The following IRS1 variants were observed in gnomAD, a reference collection of about 807,000 sequenced individuals.
IRS1 encodes insulin receptor substrate 1.
A neutral mutation model predicts 65.6 loss-of-function variants in IRS1; 34 were observed. The ratio of observed to expected loss-of-function variants is 0.52; its 90% CI spans 0.39 to 0.69. The LOEUF is 0.69. IRS1 is among the 30% of genes least tolerant of loss of function. IRS1 has a pLI of 0.00. For synonymous variants in IRS1, 699 were observed against 683.5 expected (o/e 1.02, Z -0.35); for missense variants, 1,641 against 1,720.2 (o/e 0.95, Z 0.81).
At chr2:226,752,375 T>C (rs1938702364) in intron 1 of IRS1, among the ~76,000 whole-genome samples, 1 of 152,286 alleles carries the variant, frequency 6.6e-6, no homozygotes, top group South Asian at 2.1e-4. Flanking sequence ...AGGCCCTGAA[T>C]CAACAGCACA....
chr2:226,742,198 G>C (rs1420515449), intron 1 of IRS1, among the ~76,000 whole-genome samples: 1 of 152,216 alleles, frequency 6.6e-6, no homozygotes. Context: ...ATGGGGGCAA[G>C]CTGAAGCTTG....
chr2:226,791,799 C>T (rs1939612880), intron 1 of IRS1, among the ~76,000 whole-genome samples: 1 of 151,956 alleles, frequency 6.6e-6, no homozygotes, highest in Admixed American at 6.5e-5. Flanking sequence ...GAGGGCGGGG[C>T]CTCGCCCGCC....
intron 1 of IRS1, among the ~76,000 whole-genome samples, chr2:226,746,370 G>C (rs1056006064): frequency 1.3e-5 from 2 of 152,124 alleles, no homozygotes; most frequent in African/African-American, 4.8e-5. Context: ...GAACTGAACA[G>C]GAGTGTGATC....
intron 1 of IRS1, among the ~76,000 whole-genome samples, chr2:226,768,658 T>C (rs1939102235): frequency 6.6e-6 from 1 of 152,104 alleles, no homozygotes; most frequent in African/African-American, 2.4e-5. Flanking sequence ...ACTAAACCAA[T>C]CTAAATGCCA....
intron 1 of IRS1, among the ~76,000 whole-genome samples, chr2:226,779,432 G>GT (rs1939338992): frequency 6.6e-6 from 1 of 152,154 alleles, no homozygotes; most frequent in African/African-American, 2.4e-5. Context: ...CCAAATGCCA[G>GT]ACTCATTCCA....
rs544936782 is a variant in IRS1 at position 226,795,771 on chromosome 2, T to C, written c.2968A>G (p.Met990Val). 1.3e-5 allele frequency: 21 copies of C among 1,613,236 alleles called. No individual in the cohort carries two copies. The highest frequency in any genetic ancestry group is 1.7e-5 in the Non-Finnish European group (20 of 1,180,006). Residue 990 changes from methionine to valine, a missense_variant, in exon 1 of 2, where the codon ATG becomes GTG. Coordinates refer to ENST00000305123, the MANE Select transcript of IRS1 (RefSeq NM_005544.3). ...CGGGGACAACTCATCTGCATGGTCA[T>C]GTAGTCACCCCGGCTGCTGGGCACT... ...RAVPSSRGDY[M>V]TMQMSCPRQS...
Position 226,796,347 on chromosome 2 carries a change from G to A in IRS1, c.2392C>T (p.Leu798Phe), listed in dbSNP as rs1307660367. The change falls in exon 1 of 2, where the codon CTT becomes TTT. Residue 798 changes from leucine (L) to phenylalanine (F), a missense_variant. Physicochemically the swap from Leu to Phe is conservative, Grantham distance 22. Around this residue, in one of 3 missense-constraint regions of IRS1, gnomAD observed 1,324 missense variants for 1,361.0 expected, o/e 0.97. Coordinates refer to ENST00000305123, the MANE Select transcript of IRS1 (RefSeq NM_005544.3). ...TCATCTGCTGTTGCAGCATAGAGAA[G>A]GCGACCAGAGCTAGTGGAAAGGCGG... Reference protein sequence around the residue: ...HLRLSTSSGRLLYAATADDSS... With the variant: ...HLRLSTSSGRFLYAATADDSS... The A allele has an allele frequency of 2.5e-6, 4 of 1,613,360 alleles. No individual in the cohort carries two copies. Among genetic ancestry groups the A allele is most frequent in the South Asian group, 2.2e-5 (2 of 91,088 alleles).
At chr2:226,788,099 G>A (rs571589655) in intron 1 of IRS1, among the ~76,000 whole-genome samples, 1 of 152,064 alleles carries the variant, frequency 6.6e-6, no homozygotes, top group South Asian at 2.1e-4. Context: ...TCAGCAATAT[G>A]ACCTAAATAT....
At position 226,799,564 on chromosome 2, in the gene IRS1, G is replaced by A. The variant is rs1038880211; in HGVS notation, c.-826C>T. ...CAGGCGGCTGGGGAGGAGGGGAGGGGACAAGGGCGAGAGGGGATGGGGGAG... is the reference window on the plus strand; with the variant it reads ...CAGGCGGCTGGGGAGGAGGGGAGGGAACAAGGGCGAGAGGGGATGGGGGAG... On this transcript the variant is annotated 5_prime_UTR_variant, in exon 1 of 2. Transcript: ENST00000305123. The surrounding 1 kb of genome is among the most constrained non-coding windows in gnomAD (Gnocchi z 6.1). The A allele has an allele frequency of 3.8e-6, 4 of 1,063,598 alleles. No homozygotes were observed. The highest frequency in any genetic ancestry group is 1.1e-4 in the East Asian group (1 of 9,400). 65.9% of individuals were successfully genotyped at this position (1,063,598 alleles called of 1,614,324 possible). A position where few individuals can be genotyped will look rare whatever the true frequency, so the allele number is the denominator to read the frequency against.
rs185017245 is a variant in IRS1, at chr2:226,796,386, G to A, written c.2353C>T (p.Arg785Trp). ...QRPGEPEEGA[R>W]HQHLRLSTSS... is the part of the protein sequence containing the mutation. ...GTGGAAAGGCGGAGGTGCTGATGCC[G>A]GGCACCCTCCTCCGGCTCCCCGGGG... The change falls in exon 1 of 2, where the codon CGG (arginine) becomes TGG (tryptophan). Residue 785 changes from arginine to tryptophan, a missense_variant. Physicochemically the swap from Arg to Trp is moderately radical, Grantham distance 101. Around this residue, in one of 3 missense-constraint regions of IRS1, gnomAD observed 1,324 missense variants for 1,361.0 expected, o/e 0.97. Transcript: ENST00000305123. 6.0e-5 allele frequency: 97 copies of A among 1,613,310 alleles called. No individual in the cohort carries two copies. The highest frequency in any genetic ancestry group is 2.6e-4 in the South Asian group (24 of 91,078).
intron 1 of IRS1, among the ~76,000 whole-genome samples, chr2:226,763,635 C>T (rs143090772): frequency 2.5e-3 from 377 of 152,284 alleles, no homozygotes; most frequent in African/African-American, 8.7e-3. Context: ...GAGTGCATCC[C>T]ATTGCCAATG....
In IRS1 at chr2:226,799,020, C is replaced by T. The variant is rs904855966; in HGVS notation, c.-282G>A. ...AGGGCAGCCCCGATCCTCCGAGAGC[C>T]AAGTCTCCTCTCAGCCGCCGCCGCC... On this transcript the variant is annotated 5_prime_UTR_variant, in exon 1 of 2. Transcript: ENST00000305123. This position sits in a 1 kb window ranked among gnomAD's most constrained non-coding sequence, Gnocchi z 6.1. 1.4e-5 allele frequency: 20 copies of T among 1,401,372 alleles called. No individual in the cohort carries two copies. In the African/African-American group the frequency reaches 2.1e-4, roughly 14 times the overall value. The allele number at this position is 1,401,372 out of a possible 1,614,324, so 86.8% of individuals were successfully genotyped here.
chr2:226,748,930 G>A (rs1468888618), intron 1 of IRS1, among the ~76,000 whole-genome samples: 1 of 152,074 alleles, frequency 6.6e-6, no homozygotes, highest in Non-Finnish European at 1.5e-5. Context: ...CTGAGGCAGT[G>A]GTAAGAAGAA....
In IRS1 at chr2:226,795,585, C is replaced by G. The variant is rs1202336864; in HGVS notation, c.3154G>C (p.Glu1052Gln). 1.9e-6 allele frequency: 3 copies of G among 1,612,664 alleles called. No homozygotes were observed. The highest frequency in any genetic ancestry group is 2.5e-6 in the Non-Finnish European group (3 of 1,179,862). Residue 1052 changes from glutamate (E) to glutamine (Q), a missense_variant, in exon 1 of 2, where the codon GAG (glutamate) becomes CAG (glutamine). Glu to Gln is a conservative substitution (Grantham distance 29). Transcript: ENST00000305123. The stretch of plus-strand genomic sequence containing the variant: ...AGCAGGGACGAGTGGGCAGCCAGCT[C>G]TGCTGCCCCTTGAGGCCCAGTCGGG... ...ASPTGPQGAA[E>Q]LAAHSSLLGG...
chr2:226,795,543 G>T lies in IRS1; in HGVS notation c.3196C>A (p.Pro1066Thr). Reference protein sequence around the residue: ...HSSLLGGPQGPGGMSAFTRVN... With the variant: ...HSSLLGGPQGTGGMSAFTRVN... ...CGGGTGAAGGCGCTCATGCCCCCAGGTCCTTGTGGGCCCCCCAGCAGGGAC... is the reference window on the plus strand; with the variant it reads ...CGGGTGAAGGCGCTCATGCCCCCAGTTCCTTGTGGGCCCCCCAGCAGGGAC... Residue 1066 changes from proline (P) to threonine (T), a missense_variant, in exon 1 of 2, where the codon CCT (proline) becomes ACT (threonine). Physicochemically the swap from Pro to Thr is conservative, Grantham distance 38 (BLOSUM62 -1). Around this residue, in one of 3 missense-constraint regions of IRS1, gnomAD observed 1,324 missense variants for 1,361.0 expected, o/e 0.97. Transcript: ENST00000305123. The T allele has an allele frequency of 6.2e-7, 1 of 1,613,148 alleles. No individual in the cohort carries two copies. The highest frequency in any genetic ancestry group is 8.5e-7 in the Non-Finnish European group (1 of 1,179,990).
intron 1 of IRS1, among the ~76,000 whole-genome samples, chr2:226,748,094 G>T (rs575524106): frequency 6.7e-6 from 1 of 150,076 alleles, no homozygotes; most frequent in African/African-American, 2.5e-5. Flanking sequence ...CATTCATCAC[G>T]CTCATTGCCC....
chr2:226,797,700 C>A lies in IRS1; in HGVS notation c.1039G>T (p.Val347Leu). 2.5e-6 allele frequency: 4 copies of A among 1,597,836 alleles called. No individual in the cohort carries two copies. The highest frequency in any genetic ancestry group is 3.4e-6 in the Non-Finnish European group (4 of 1,178,930). ...TGGGTTCTGTTGGTGCTGGGACTCA[C>A]AGGGCTGCCGTCCACCGAGGCTGGG... Reference protein sequence around the residue: ...SRPASVDGSPVSPSTNRTHAH... With the variant: ...SRPASVDGSPLSPSTNRTHAH... Residue 347 changes from valine to leucine, a missense_variant, in exon 1 of 2, where the codon GTG (valine) becomes TTG (leucine). By Grantham distance (32) the Val-to-Leu change is conservative. Around this residue, in one of 3 missense-constraint regions of IRS1, gnomAD observed 1,324 missense variants for 1,361.0 expected, o/e 0.97. Coordinates refer to ENST00000305123, the MANE Select transcript of IRS1 (RefSeq NM_005544.3). This position sits in a 1 kb window ranked among gnomAD's most constrained non-coding sequence, Gnocchi z 8.1.
At chr2:226,757,560 A>G (rs1938830474) in intron 1 of IRS1, among the ~76,000 whole-genome samples, 1 of 152,202 alleles carries the variant, frequency 6.6e-6, no homozygotes, top group Non-Finnish European at 1.5e-5. Flanking sequence ...GGTTGCAGTG[A>G]GCCAAGGAAA....
chr2:226,787,598 A>C (rs559131752), intron 1 of IRS1, among the ~76,000 whole-genome samples: 13 of 152,324 alleles, frequency 8.5e-5, no homozygotes, highest in African/African-American at 2.9e-4. Flanking sequence ...GAGTAAAAGA[A>C]GGGGAGGGGA....
Sources: gnomAD v4.1 joint callset for allele counts (sites outside exome capture counted in the v4.1 genomes callset) on GRCh38, gnomAD v4.1.1 for gene constraint, gnomAD v4.1.1 regional missense constraint, Gnocchi (gnomAD v3.1) non-coding constraint, MANE v1.5 for transcripts, NCBI Gene and HGNC (gene_info 2026-07-23, HGNC 2026-07-21) for gene names.